Variants in TXNDC15 observed in about 807,000 individuals in gnomAD.
The protein encoded by TXNDC15 is thioredoxin domain containing 15, also known as thioredoxin domain-containing protein 15.
A neutral mutation model predicts 35.0 loss-of-function variants in TXNDC15; 24 were observed. That is an observed-to-expected ratio of 0.68 (90% confidence interval 0.50 to 0.96). The LOEUF is 0.96. Ranked by LOEUF, TXNDC15 falls within the 40% of genes least tolerant of loss-of-function variation. TXNDC15 has a pLI of 0.00. For missense variants in TXNDC15, 385 were observed against 453.3 expected, an observed-to-expected ratio of 0.85 and a Z score of 1.37; for synonymous variants, 169 against 174.0, an observed-to-expected ratio of 0.97 and a Z score of 0.23.
intron 1 of TXNDC15, among the ~76,000 whole-genome samples, chr5:134,878,531 G>A (rs1326667993): frequency 6.6e-6 from 1 of 152,210 alleles, no homozygotes; most frequent in Non-Finnish European, 1.5e-5. Flanking sequence ...AACACCTGCA[G>A]CTGGTAAAGA....
At position 134,874,463 on chromosome 5, in the gene TXNDC15, C is replaced by T; in HGVS notation, c.36C>T (p.Val12=). 1 of 1,605,490 alleles carries T rather than the reference C, an allele frequency of 6.2e-7. No homozygotes were observed. The highest frequency in any genetic ancestry group is 1.1e-5 in the South Asian group (1 of 90,616). The stretch of plus-strand genomic sequence containing the variant: ...CTGCCGGTCGACGACCGCCCCGCGT[C>T]ATGCGGCTCCTCGGCTGGTGGCAAG... ...VPAAGRRPPR[V]MRLLGWWQVL... is the part of the protein sequence containing the mutation. Residue 12 remains valine (V), a synonymous_variant, in exon 1 of 5, where the codon GTC becomes GTT. Transcript: ENST00000358387.
At chr5:134,885,345 A>C (rs990693893) in intron 1 of TXNDC15, among the ~76,000 whole-genome samples, 20 of 152,248 alleles carry the variant, frequency 1.3e-4, no homozygotes, top group Admixed American at 1.2e-3. Context: ...ATAGTGTCCC[A>C]CTACTGACGC....
intron 2 of TXNDC15, among the ~76,000 whole-genome samples, chr5:134,891,912 C>CAAATAAAT (rs550947482): frequency 6.6e-6 from 1 of 151,722 alleles, no homozygotes; most frequent in Non-Finnish European, 1.5e-5. Flanking sequence ...AAGACCTTGT[C>CAAATAAAT]AAATAAATAA....
At position 134,887,951 on chromosome 5, in the gene TXNDC15, G is replaced by C; in HGVS notation, c.360G>C (p.Glu120Asp). ...SGVTCGAGGA[E>D]DSRCNVRESL... Reference sequence around the variant, plus strand: ...TCACCTGTGGTGCTGGAGGAGCGGAGGACTCAAGGTGCAACGTCCGAGAGA... The same window carrying C: ...TCACCTGTGGTGCTGGAGGAGCGGACGACTCAAGGTGCAACGTCCGAGAGA... Residue 120 changes from glutamate (E) to aspartate (D), a missense_variant, in exon 2 of 5, where the codon GAG becomes GAC. Glu to Asp is a conservative substitution (Grantham distance 45). Transcript: ENST00000358387. The C allele has an allele frequency of 1.2e-6, 2 of 1,614,216 alleles. No individual in the cohort carries two copies. Among genetic ancestry groups the C allele is most frequent in the Non-Finnish European group, 1.7e-6 (2 of 1,180,042 alleles).
At chr5:134,874,226 T>C (rs1181710470), upstream of TXNDC15, 1 of 549,090 alleles carries the variant, frequency 1.8e-6, no homozygotes, top group Non-Finnish European at 3.2e-6. Context: ...GCTTAGCTCC[T>C]AAAGAGGTCT....
intron 4 of TXNDC15, among the ~76,000 whole-genome samples, chr5:134,897,659 A>G (rs776672415): frequency 6.6e-6 from 1 of 152,262 alleles, no homozygotes; most frequent in Non-Finnish European, 1.5e-5. Context: ...AAAGATATGC[A>G]TAAGTCATGA....
At chr5:134,880,678 A>G (rs1249099125) in intron 1 of TXNDC15, among the ~76,000 whole-genome samples, 1 of 152,016 alleles carries the variant, frequency 6.6e-6, no homozygotes, top group Non-Finnish European at 1.5e-5. Context: ...CCTGACCTCA[A>G]GTCATCCACC....
chr5:134,895,842 G>A (rs2150190483), intron 3 of TXNDC15, among the ~76,000 whole-genome samples: 1 of 152,284 alleles, frequency 6.6e-6, no homozygotes, highest in Non-Finnish European at 1.5e-5. Context: ...ACATCCTGGT[G>A]TGTTTGTTAG....
chr5:134,892,849 G>A (rs181516992), intron 2 of TXNDC15: 4 of 152,382 alleles, frequency 2.6e-5, no homozygotes, highest in East Asian at 1.9e-4. Context: ...ATAGCTGGTC[G>A]GTGGAACAGT....
rs1750534864 is a variant in TXNDC15 at position 134,898,290 on chromosome 5, A to T, written c.887-1199A>T. Reference sequence around the variant, plus strand: ...CTGCTACTGTTCCATTTATTAATCCATTTGTAGATGCTATCTTAGTTCCTT... The same window carrying T: ...CTGCTACTGTTCCATTTATTAATCCTTTTGTAGATGCTATCTTAGTTCCTT... On this transcript the variant is annotated intron_variant, in intron 4 of 4. Coordinates refer to ENST00000358387, the MANE Select transcript of TXNDC15 (RefSeq NM_024715.4). 2.0e-5 allele frequency among the ~76,000 whole-genome samples: 3 copies of T among 151,992 alleles called. No individual in the cohort carries two copies. In the South Asian group the frequency reaches 6.2e-4, roughly 31 times the overall value.
intron 3 of TXNDC15, 65 bp from the exon 4 acceptor site, chr5:134,896,229 G>T: frequency 6.5e-7 from 1 of 1,543,042 alleles, no homozygotes; most frequent in Non-Finnish European, 8.8e-7. Flanking sequence ...TTCTGAGATG[G>T]TAATTGTATG....
At chr5:134,894,840 G>A (rs900496952) in intron 3 of TXNDC15, among the ~76,000 whole-genome samples, 1 of 151,992 alleles carries the variant, frequency 6.6e-6, no homozygotes, top group Non-Finnish European at 1.5e-5. Flanking sequence ...CTGAAAAATG[G>A]TCAATTGGTG....
At chr5:134,889,228 C>T (rs1255655009) in intron 2 of TXNDC15, among the ~76,000 whole-genome samples, 1 of 152,020 alleles carries the variant, frequency 6.6e-6, no homozygotes, top group Non-Finnish European at 1.5e-5. Context: ...GACGGTGTAC[C>T]CTTTTTCTTT....
chr5:134,887,974 A>G lies in TXNDC15; in HGVS notation c.383A>G (p.Glu128Gly), dbSNP rs199499193. 87 of 1,614,222 alleles carry G rather than the reference A, an allele frequency of 5.4e-5. No homozygotes were observed. In the East Asian group the frequency reaches 1.8e-3, roughly 33 times the overall value. The change falls in exon 2 of 5, where the codon GAG becomes GGG. Residue 128 changes from glutamate to glycine, a missense_variant. Transcript: ENST00000358387. ...GAEDSRCNVRESLFSLDGAGA... is the reference protein window; with the variant it reads ...GAEDSRCNVRGSLFSLDGAGA... ...GAGGACTCAAGGTGCAACGTCCGAG[A>G]GAGCCTTTTCTCTCTGGATGGCGCT...
upstream of TXNDC15, chr5:134,874,120 G>A (rs999680389): frequency 6.9e-6 from 2 of 289,806 alleles, no homozygotes; most frequent in African/African-American, 4.4e-5. Context: ...GCCAAGCTCT[G>A]ACTTCCGAGG....
At position 134,888,093 on chromosome 5, in the gene TXNDC15, G is replaced by C; in HGVS notation, c.502G>C (p.Glu168Gln). ...CCCGACAGAGGACTCCAATAACACTGAAAGTCTGAAATCCCCAAAGGTGAA... is the reference window on the plus strand; with the variant it reads ...CCCGACAGAGGACTCCAATAACACTCAAAGTCTGAAATCCCCAAAGGTGAA... ...AAPTEDSNNT[E>Q]SLKSPKVNCE... is the part of the protein sequence containing the mutation. The change falls in exon 2 of 5, where the codon GAA (glutamate) becomes CAA (glutamine). Residue 168 changes from glutamate to glutamine, a missense_variant. Physicochemically the swap from Glu to Gln is conservative, Grantham distance 29 (BLOSUM62 2). Coordinates refer to ENST00000358387, the MANE Select transcript of TXNDC15 (RefSeq NM_024715.4). 1 of 1,614,184 alleles carries C rather than the reference G, an allele frequency of 6.2e-7. No homozygotes were observed. The highest frequency in any genetic ancestry group is 8.5e-7 in the Non-Finnish European group (1 of 1,180,032).
At chr5:134,875,930 A>G (rs1261981456) in intron 1 of TXNDC15, among the ~76,000 whole-genome samples, 5 of 152,308 alleles carry the variant, frequency 3.3e-5, no homozygotes, top group African/African-American at 1.2e-4. Flanking sequence ...TCGGCCTCCC[A>G]GAGTGCTGGG....
At chr5:134,874,637 C>T (rs1749994645) in intron 1 of TXNDC15, 107 bp downstream of exon 1, 1 of 878,770 alleles carries the variant, frequency 1.1e-6, no homozygotes, top group South Asian at 1.8e-5. Flanking sequence ...CTCGCCCCTT[C>T]TTGGCGTCTC....
chr5:134,894,717 T>C (rs1456341146), intron 3 of TXNDC15, among the ~76,000 whole-genome samples: 1 of 152,142 alleles, frequency 6.6e-6, no homozygotes, highest in African/African-American at 2.4e-5. Context: ...TATATGTTTC[T>C]CCTAAGTGCT....
Sources: gnomAD v4.1 joint callset for allele counts (sites outside exome capture counted in the v4.1 genomes callset) on GRCh38, gnomAD v4.1.1 for gene constraint, MANE v1.5 for transcripts, NCBI Gene and HGNC (gene_info 2026-07-23, HGNC 2026-07-21) for gene names.